The following SUGCT variants were observed in gnomAD, a reference collection of about 807,000 sequenced individuals.
SUGCT encodes the protein succinyl-CoA:glutarate CoA-transferase.
Under a neutral mutation model 55.0 loss-of-function variants are expected in SUGCT, and 41 were observed. That is an observed-to-expected ratio of 0.74 (90% confidence interval 0.58 to 0.97). The LOEUF (loss-of-function observed/expected upper bound fraction) is 0.97. Among genes scored for constraint, SUGCT ranks in the 50% least tolerant of loss-of-function variants. SUGCT has a pLI of 0.00. For synonymous variants in SUGCT, 187 were observed against 200.4 expected (o/e 0.93, Z 0.56); for missense variants, 568 against 547.8 (o/e 1.04, Z -0.37).
intron 6 of SUGCT, among the ~76,000 whole-genome samples, chr7:40,204,730 A>G (rs946617871): frequency 1.3e-5 from 2 of 151,478 alleles, no homozygotes; most frequent in African/African-American, 4.9e-5. Context: ...GTTTGAGACC[A>G]GCCGGCGTGA....
chr7:40,212,533 TA>T (rs1787399630), intron 6 of SUGCT, among the ~76,000 whole-genome samples: 1 of 151,998 alleles, frequency 6.6e-6, no homozygotes, highest in South Asian at 2.1e-4. Context: ...TATAGTTCAA[TA>T]TTTTTTTTTT....
intron 9 of SUGCT, among the ~76,000 whole-genome samples, chr7:40,432,685 CAAAAAAAAAAAAA>C (rs61055999): frequency 3.5e-4 from 40 of 115,662 alleles, no homozygotes; most frequent in Middle Eastern, 5.2e-3. Context: ...GACTCCCTCT[CAAAAAAAAAAAAA>C]AAAAAAAAAA....
chr7:40,683,300 C>G (rs971363345), intron 12 of SUGCT, among the ~76,000 whole-genome samples: 1 of 152,066 alleles, frequency 6.6e-6, no homozygotes. Context: ...CCTGTGTAGC[C>G]CTGAAACTTC....
the SUGCT span, among the ~76,000 whole-genome samples, chr7:40,916,407 G>A: frequency 6.6e-6 from 1 of 152,114 alleles, no homozygotes; most frequent in Admixed American, 6.5e-5. Flanking sequence ...GACCATGTTA[G>A]GAAAGACTCT....
chr7:40,835,841 T>A (rs1792938832), intron 13 of SUGCT, among the ~76,000 whole-genome samples: 1 of 152,066 alleles, frequency 6.6e-6, no homozygotes, highest in Admixed American at 6.6e-5. Flanking sequence ...AAATATTTAG[T>A]ACTTTCCATT....
intron 8 of SUGCT, among the ~76,000 whole-genome samples, chr7:40,311,956 G>T (rs368957102): frequency 1.2e-4 from 19 of 152,140 alleles, no homozygotes; most frequent in East Asian, 3.9e-4. Context: ...TAAAAGGAGG[G>T]ATAGAAGAAC....
intron 6 of SUGCT, among the ~76,000 whole-genome samples, chr7:40,211,332 G>C (rs896755874): frequency 1.3e-5 from 2 of 152,136 alleles, no homozygotes; most frequent in African/African-American, 4.8e-5. Flanking sequence ...TCCTGCCTCA[G>C]CCTCCCTAGT....
intron 12 of SUGCT, among the ~76,000 whole-genome samples, chr7:40,589,220 C>T (rs1256596636): frequency 1.3e-5 from 2 of 151,704 alleles, no homozygotes; most frequent in Non-Finnish European, 2.9e-5. Flanking sequence ...TTCTTATGTA[C>T]CTCCTTTTTC....
chr7:40,146,078 A>G (rs1448445406), intron 1 of SUGCT, among the ~76,000 whole-genome samples: 3 of 150,666 alleles, frequency 2.0e-5, no homozygotes, highest in African/African-American at 7.3e-5. Context: ...AAGGTTCTTG[A>G]GTCAGTAAGT....
chr7:40,395,668 G>T (rs1562744954), intron 9 of SUGCT, among the ~76,000 whole-genome samples: 1 of 151,990 alleles, frequency 6.6e-6, no homozygotes, highest in Non-Finnish European at 1.5e-5. Flanking sequence ...CTCAGAAAAT[G>T]TGGGAGCCTC....
At chr7:40,663,626 A>G (rs1308580575) in intron 12 of SUGCT, among the ~76,000 whole-genome samples, 1 of 151,990 alleles carries the variant, frequency 6.6e-6, no homozygotes, top group African/African-American at 2.4e-5. Context: ...TCCCGTAGGC[A>G]TGACCAGTAA....
intron 9 of SUGCT, among the ~76,000 whole-genome samples, chr7:40,370,513 C>G (rs1057268648): frequency 2.4e-4 from 37 of 151,568 alleles, no homozygotes; most frequent in African/African-American, 8.3e-4. Context: ...TAGAGATCCT[C>G]ACTTGCAGAG....
intron 12 of SUGCT, among the ~76,000 whole-genome samples, chr7:40,721,513 T>C (rs910301607): frequency 2.0e-5 from 3 of 152,240 alleles, no homozygotes; most frequent in Admixed American, 6.5e-5. Context: ...GACTGCAATT[T>C]AATAAATGAT....
intron 6 of SUGCT, among the ~76,000 whole-genome samples, chr7:40,215,182 G>A (rs974665332): frequency 6.6e-6 from 1 of 151,986 alleles, no homozygotes; most frequent in Non-Finnish European, 1.5e-5. Flanking sequence ...TCATTCTGTT[G>A]CTCAGGATGG....
chr7:40,688,083 A>G (rs773988116), intron 12 of SUGCT, among the ~76,000 whole-genome samples: 4 of 152,202 alleles, frequency 2.6e-5, no homozygotes, highest in Non-Finnish European at 5.9e-5. Context: ...AAACTCTTAT[A>G]CAAATCTATA....
chr7:40,179,505 A>G (rs182564532), intron 1 of SUGCT, among the ~76,000 whole-genome samples: 14 of 151,334 alleles, frequency 9.3e-5, no homozygotes, highest in African/African-American at 3.2e-4. Flanking sequence ...CTGGTCTGGA[A>G]CTCCTGACCT....
At chr7:40,253,530 A>G (rs969774358) in intron 7 of SUGCT, among the ~76,000 whole-genome samples, 2 of 152,186 alleles carry the variant, frequency 1.3e-5, no homozygotes, top group Admixed American at 1.3e-4. Context: ...CATAATCGGC[A>G]TTCACATATT....
chr7:40,905,166 G>C, the SUGCT span, among the ~76,000 whole-genome samples: 14 of 152,176 alleles, frequency 9.2e-5, no homozygotes, highest in Non-Finnish European at 1.6e-4. Context: ...TAAACTATTC[G>C]TATTGAGTAA....
chr7:40,955,905 G>A, the SUGCT span, among the ~76,000 whole-genome samples: 993 of 152,252 alleles, frequency 6.5e-3, 4 homozygotes, highest in Non-Finnish European at 9.5e-3. Context: ...TGTTGTCATT[G>A]ATTCTGTTTA....
Sources: allele counts gnomAD v4.1 joint callset (sites outside exome capture counted in the v4.1 genomes callset), GRCh38; gene constraint gnomAD v4.1.1; transcripts MANE v1.5; gene names NCBI Gene and HGNC (gene_info 2026-07-23, HGNC 2026-07-21).